The following VTA1 variants were observed in gnomAD, a reference collection of about 807,000 sequenced individuals.
VTA1 encodes the protein vacuolar protein sorting-associated protein VTA1 homolog.
VTA1 carries 24 observed loss-of-function variants against 36.9 expected under a neutral mutation model. That is an observed-to-expected ratio of 0.65 (90% CI 0.47 to 0.91). The LOEUF (loss-of-function observed/expected upper bound fraction) is 0.91, where lower values mean the gene tolerates loss of function less well. Among genes scored for constraint, VTA1 ranks in the 40% least tolerant of loss-of-function variants. VTA1 has a pLI of 0.00. For missense variants in VTA1, 393 were observed against 377.2 expected, an observed-to-expected ratio of 1.04 and a Z score of -0.35; for synonymous variants, 142 against 130.2, an observed-to-expected ratio of 1.09 and a Z score of -0.62.
chr6:142,178,194 A>G (rs942353966), intron 4 of VTA1, among the ~76,000 whole-genome samples: 14 of 152,132 alleles, frequency 9.2e-5, no homozygotes, highest in African/African-American at 3.4e-4. Context: ...CCTTGAGAAA[A>G]TGTGTTACAC....
At chr6:142,181,680 C>A (rs961975600) in intron 4 of VTA1, among the ~76,000 whole-genome samples, 1 of 151,102 alleles carries the variant, frequency 6.6e-6, no homozygotes, top group Non-Finnish European at 1.5e-5. Context: ...AAACAGTTAC[C>A]GACCTTACCT....
intron 1 of VTA1, among the ~76,000 whole-genome samples, chr6:142,164,798 A>G (rs572375030): frequency 1.4e-4 from 22 of 152,224 alleles, no homozygotes; most frequent in Non-Finnish European, 2.8e-4. Context: ...TTAAATCAGT[A>G]GGACAGAATG....
At chr6:142,170,696 G>T (rs758488116) in intron 4 of VTA1, among the ~76,000 whole-genome samples, 107 of 150,442 alleles carry the variant, frequency 7.1e-4, no homozygotes, top group Non-Finnish European at 1.1e-3. Flanking sequence ...GCAGTGGTGT[G>T]ATCTCAGCTC....
intron 7 of VTA1, among the ~76,000 whole-genome samples, chr6:142,204,388 G>A (rs1191488184): frequency 6.6e-6 from 1 of 152,082 alleles, no homozygotes; most frequent in Non-Finnish European, 1.5e-5. Context: ...TTTAGTTCGA[G>A]ATTACCATGA....
At chr6:142,150,034 G>C (rs1203957716) in intron 1 of VTA1, among the ~76,000 whole-genome samples, 1 of 151,594 alleles carries the variant, frequency 6.6e-6, no homozygotes, top group Non-Finnish European at 1.5e-5. Context: ...ATATTTTATT[G>C]TTTAACCCTT....
chr6:142,174,360 G>A (rs1284087738), intron 4 of VTA1, among the ~76,000 whole-genome samples: 1 of 152,220 alleles, frequency 6.6e-6, no homozygotes, highest in Non-Finnish European at 1.5e-5. Flanking sequence ...TTGGACTTGT[G>A]TGGGGCCTAT....
intron 1 of VTA1, among the ~76,000 whole-genome samples, chr6:142,149,118 A>G (rs1308012414): frequency 6.6e-6 from 1 of 152,198 alleles, no homozygotes; most frequent in East Asian, 1.9e-4. Flanking sequence ...ATCATTCCCT[A>G]AAGTTGCAGC....
rs1776075585 is a variant in VTA1 at position 142,219,951 on chromosome 6, T to G, written c.*1308T>G. 2.0e-5 allele frequency: 3 copies of G among 152,180 alleles called. No homozygotes were observed. The highest frequency in any genetic ancestry group is 2.0e-4 in the Admixed American group (3 of 15,268). The allele number at this position is 152,180 out of a possible 1,614,324, so 9.4% of individuals were successfully genotyped here. On this transcript the variant is annotated 3_prime_UTR_variant, in exon 8 of 8. Transcript: ENST00000367630. ...GTATGGCTTGCAAGTCTAAAAACAT[T>G]TACTATTTGGCCCTCTAAGAAAAAG... is the stretch of plus-strand genomic sequence containing the variant.
Position 142,169,534 on chromosome 6 carries a change from T to A in VTA1, c.208-16T>A. 6.2e-7 allele frequency: 1 copy of A among 1,605,848 alleles called. No homozygotes were observed. Among genetic ancestry groups the A allele is most frequent in the South Asian group, 1.1e-5 (1 of 88,526 alleles). On this transcript the variant is annotated splice_polypyrimidine_tract_variant and intron_variant, in intron 2 of 7. Transcript: ENST00000367630. ...AGAGTCCAAAATCATAAGCTATGTA[T>A]CTGATTTTATTTTAGCTAAAGAAGC... is the stretch of plus-strand genomic sequence containing the variant.
chr6:142,198,395 T>G, intron 5 of VTA1, 44 bp from the exon 6 acceptor site: 1 of 1,568,722 alleles, frequency 6.4e-7, no homozygotes, highest in Non-Finnish European at 8.7e-7. Context: ...AGCACTTGTA[T>G]TTCAAAATAC....
At chr6:142,213,567 T>C (rs1315880322) in intron 7 of VTA1, among the ~76,000 whole-genome samples, 1 of 152,222 alleles carries the variant, frequency 6.6e-6, no homozygotes, top group East Asian at 1.9e-4. Flanking sequence ...ACTGCTCTTG[T>C]AGAGGTGTTC....
At chr6:142,170,857 T>A (rs1775016991) in intron 4 of VTA1, among the ~76,000 whole-genome samples, 1 of 152,034 alleles carries the variant, frequency 6.6e-6, no homozygotes, top group Non-Finnish European at 1.5e-5. Context: ...ACTCTTGAGC[T>A]CAAGCAATCT....
chr6:142,176,124 A>G (rs1016016655), intron 4 of VTA1, among the ~76,000 whole-genome samples: 5 of 152,184 alleles, frequency 3.3e-5, no homozygotes, highest in African/African-American at 9.6e-5. Flanking sequence ...TTTGTGGCCA[A>G]TATTATTGAT....
intron 4 of VTA1, among the ~76,000 whole-genome samples, chr6:142,180,597 T>C (rs949149626): frequency 3.9e-5 from 6 of 152,246 alleles, no homozygotes; most frequent in Admixed American, 3.3e-4. Context: ...CTTACCAAAT[T>C]GCTTATTGAT....
At position 142,147,297 on chromosome 6, in the gene VTA1, C is replaced by G. The variant is rs757759063; in HGVS notation, c.10C>G (p.Leu4Val). ...TGAGTTCGGAGTAGAGATGGCCGCG[C>G]TTGCACCGCTGCCCCCGCTCCCCGC... Reference protein sequence around the residue: MAALAPLPPLPAQF... With the variant: MAAVAPLPPLPAQF... The change falls in exon 1 of 8, where the codon CTT becomes GTT. Residue 4 changes from leucine (L) to valine (V), a missense_variant. Physicochemically the swap from Leu to Val is conservative, Grantham distance 32. Transcript: ENST00000367630. The G allele has an allele frequency of 1.2e-6, 2 of 1,614,086 alleles. No homozygotes were observed. Among genetic ancestry groups the G allele is most frequent in the African/African-American group, 1.3e-5 (1 of 74,946 alleles).
At chr6:142,164,171 A>G (rs144008978) in intron 1 of VTA1, among the ~76,000 whole-genome samples, 1 of 152,284 alleles carries the variant, frequency 6.6e-6, no homozygotes, top group East Asian at 1.9e-4. Flanking sequence ...TTTTGGCAAT[A>G]CAGTAAGATA....
Position 142,221,777 on chromosome 6 carries a change from TTATA to T in VTA1, c.*3139_*3142del, listed in dbSNP as rs919864299. 43 of 148,014 alleles carry T rather than the reference TTATA, an allele frequency of 2.9e-4. No homozygotes were observed. Among genetic ancestry groups the T allele is most frequent in the African/African-American group, 8.6e-4 (35 of 40,776 alleles). The allele number at this position is 148,014 out of a possible 1,614,324, so 9.2% of individuals were successfully genotyped here. ...TATTTATTAATATATAAATATGTAT[TTATA>T]TATAAATCATAAATATATTAATAAA... On this transcript the variant is annotated 3_prime_UTR_variant, in exon 8 of 8. Coordinates refer to ENST00000367630, the MANE Select transcript of VTA1 (RefSeq NM_016485.5).
chr6:142,166,694 T>C (rs942264446), intron 2 of VTA1, among the ~76,000 whole-genome samples: 1 of 152,052 alleles, frequency 6.6e-6, no homozygotes, highest in Non-Finnish European at 1.5e-5. Flanking sequence ...ATCTCTCGGC[T>C]TGCTGCAACC....
chr6:142,170,193 T>G (rs879270756), intron 3 of VTA1, among the ~76,000 whole-genome samples, 153 bp from the exon 4 acceptor site: 1 of 152,180 alleles, frequency 6.6e-6, no homozygotes, highest in Non-Finnish European at 1.5e-5. Context: ...TAGAAAACCA[T>G]TTTTGTTATT....
Sources: gnomAD v4.1 joint callset for allele counts (sites outside exome capture counted in the v4.1 genomes callset) on GRCh38, gnomAD v4.1.1 for gene constraint, MANE v1.5 for transcripts, NCBI Gene and HGNC (gene_info 2026-07-23, HGNC 2026-07-21) for gene names.